The following NEDD4L variants were observed in gnomAD, a reference collection of about 807,000 sequenced individuals.
NEDD4L encodes E3 ubiquitin-protein ligase NEDD4-like.
NEDD4L carries 54 observed loss-of-function variants against 148.9 expected under a neutral mutation model. That is an observed-to-expected ratio of 0.36 (90% CI 0.29 to 0.45). The LOEUF (loss-of-function observed/expected upper bound fraction) is 0.45. Among genes scored for constraint, NEDD4L ranks in the 20% least tolerant of loss-of-function variants. The probability of loss-of-function intolerance (pLI) is 1.00; values close to 1 mark genes in which losing one functional copy is unlikely to be tolerated. For missense variants in NEDD4L, 856 were observed against 1,233.8 expected, an observed-to-expected ratio of 0.69 and a Z score of 4.59; for synonymous variants, 433 against 440.7, an observed-to-expected ratio of 0.98 and a Z score of 0.22.
intron 1 of NEDD4L, among the ~76,000 whole-genome samples, chr18:58,093,150 G>A (rs1802687816): frequency 6.6e-6 from 1 of 152,158 alleles, no homozygotes; most frequent in South Asian, 2.1e-4. Context: ...TGTCACTTAG[G>A]CAACAGGACA....
chr18:58,362,822 T>C (rs1248422724), intron 19 of NEDD4L, among the ~76,000 whole-genome samples: 1 of 152,236 alleles, frequency 6.6e-6, no homozygotes, highest in Non-Finnish European at 1.5e-5. Context: ...GTACTGTTGG[T>C]AGAGCAGAAA....
At chr18:58,064,916 C>T (rs903864040) in intron 1 of NEDD4L, among the ~76,000 whole-genome samples, 2 of 152,124 alleles carry the variant, frequency 1.3e-5, no homozygotes, top group Non-Finnish European at 1.5e-5. Context: ...GCCCGGGCAA[C>T]ATAGCTTGAT....
intron 5 of NEDD4L, among the ~76,000 whole-genome samples, chr18:58,315,280 T>C (rs1019941950): frequency 2.6e-5 from 4 of 152,098 alleles, no homozygotes; most frequent in Non-Finnish European, 5.9e-5. Context: ...AATCATGACT[T>C]CCCAGATGAC....
At chr18:58,327,762 T>G (rs977944716) in intron 9 of NEDD4L, among the ~76,000 whole-genome samples, 1 of 152,190 alleles carries the variant, frequency 6.6e-6, no homozygotes, top group African/African-American at 2.4e-5. Context: ...AATGACGATT[T>G]CAACTTTTGA....
At chr18:58,169,457 C>G (rs1168448606) in intron 2 of NEDD4L, among the ~76,000 whole-genome samples, 1 of 151,932 alleles carries the variant, frequency 6.6e-6, no homozygotes, top group Non-Finnish European at 1.5e-5. Context: ...TAAATTGAGA[C>G]TGCAGTCACC....
intron 6 of NEDD4L, among the ~76,000 whole-genome samples, chr18:58,317,460 T>C (rs1450987674): frequency 1.3e-5 from 2 of 152,230 alleles, no homozygotes; most frequent in African/African-American, 4.8e-5. Context: ...CAGCCACCCT[T>C]TCCCTAATGT....
intron 1 of NEDD4L, among the ~76,000 whole-genome samples, chr18:58,161,811 A>G (rs2036251061): frequency 6.6e-6 from 1 of 152,038 alleles, no homozygotes; most frequent in African/African-American, 2.4e-5. Context: ...CATGGATGAG[A>G]ATGAAGGCTG....
intron 1 of NEDD4L, among the ~76,000 whole-genome samples, chr18:58,103,114 G>A (rs1257003900): frequency 6.6e-6 from 1 of 151,740 alleles, no homozygotes; most frequent in Admixed American, 6.6e-5. Context: ...ATGGACAGGA[G>A]ACTGACCTTT....
At chr18:58,096,721 G>A (rs8083516) in intron 1 of NEDD4L, among the ~76,000 whole-genome samples, 5,307 of 152,156 alleles carry the variant, frequency 0.035, 315 homozygotes, top group African/African-American at 0.12. Flanking sequence ...ATTTTATGTT[G>A]TGAGTTTTGT....
chr18:58,159,360 C>T (rs1336631054), intron 1 of NEDD4L, among the ~76,000 whole-genome samples: 2 of 152,076 alleles, frequency 1.3e-5, no homozygotes, highest in African/African-American at 4.8e-5. Context: ...AAGGAGTGTA[C>T]AACACCAAGA....
Position 58,351,044 on chromosome 18 carries a change from T to C in NEDD4L, c.1707T>C (p.His569=), listed in dbSNP as rs756118955. Residue 569 remains histidine, a splice_region_variant and synonymous_variant, in exon 18 of 31, where the codon CAT becomes CAC. Coordinates refer to ENST00000400345, the MANE Select transcript of NEDD4L (RefSeq NM_001144967.3). ...HLDGRTFYID[H]NSKITQWEDP... Reference sequence around the variant, plus strand: ...ATGGCCGAACGTTTTATATTGATCATAGTAAGTAGGCGCTGTTATGGACAC... The same window carrying C: ...ATGGCCGAACGTTTTATATTGATCACAGTAAGTAGGCGCTGTTATGGACAC... 1.9e-6 allele frequency: 3 copies of C among 1,588,852 alleles called. No individual in the cohort carries two copies. Among genetic ancestry groups the C allele is most frequent in the East Asian group, 4.5e-5 (2 of 44,096 alleles).
intron 2 of NEDD4L, among the ~76,000 whole-genome samples, chr18:58,220,400 CA>C (rs36046684): frequency 3.9e-4 from 58 of 147,004 alleles, no homozygotes; most frequent in Admixed American, 6.1e-4. Context: ...GACCCTATCT[CA>C]AAAAAAAAAA....
intron 1 of NEDD4L, among the ~76,000 whole-genome samples, chr18:58,079,065 C>A (rs570838311): frequency 6.6e-6 from 1 of 152,114 alleles, no homozygotes; most frequent in East Asian, 1.9e-4. Flanking sequence ...CTGGGTGTGG[C>A]GATGTGCGAA....
At chr18:58,347,487 A>G (rs1015580332) in intron 16 of NEDD4L, among the ~76,000 whole-genome samples, 5 of 152,098 alleles carry the variant, frequency 3.3e-5, no homozygotes, top group East Asian at 1.9e-4. Flanking sequence ...CAGTGCTTTC[A>G]GTTTTTCCTC....
intron 26 of NEDD4L, among the ~76,000 whole-genome samples, chr18:58,386,214 A>G (rs6566963): frequency 0.56 from 84,311 of 151,316 alleles, 23,530 homozygotes; most frequent in South Asian, 0.63. Context: ...CACCACACCC[A>G]GCTAATTTTT....
In NEDD4L at chr18:58,320,010, T is replaced by A. The variant is rs144005874; in HGVS notation, c.349-2415T>A. Among the ~76,000 whole-genome samples the A allele has an allele frequency of 9.2e-5, 14 of 152,322 alleles. No homozygotes were observed. In the East Asian group the frequency reaches 2.7e-3, roughly 29 times the overall value. On this transcript the variant is annotated intron_variant, in intron 6 of 30. Transcript: ENST00000400345. The stretch of plus-strand genomic sequence containing the variant: ...GATAAGGAACTTGCCCTTAGCCACT[T>A]GGCTCTGTAAGTAACAAAGCCAGGA...
intron 2 of NEDD4L, chr18:58,195,526 G>A (rs774734310): frequency 1.5e-6 from 2 of 1,342,270 alleles, no homozygotes; most frequent in East Asian, 4.6e-5. Flanking sequence ...CTACCTGGGC[G>A]GGAGCGGCTG....
intron 2 of NEDD4L, among the ~76,000 whole-genome samples, chr18:58,209,141 C>T (rs1478629551): frequency 1.4e-5 from 2 of 145,866 alleles, no homozygotes; most frequent in African/African-American, 2.5e-5. Flanking sequence ...TCGGCCTGCA[C>T]TCAGGAAATG....
Position 58,231,974 on chromosome 18 carries a change from C to T in NEDD4L, c.123-13453C>T, listed in dbSNP as rs531160666. On this transcript the variant is annotated intron_variant, in intron 2 of 30. Transcript: ENST00000400345. Reference sequence around the variant, plus strand: ...TCTGCTGGTTAAATATAACAGAGGTCTGACTCCATGGCTATTATAGGAGAG... The same window carrying T: ...TCTGCTGGTTAAATATAACAGAGGTTTGACTCCATGGCTATTATAGGAGAG... 2.0e-5 allele frequency among the ~76,000 whole-genome samples: 3 copies of T among 152,324 alleles called. No homozygotes were observed. The East Asian group carries it at 5.8e-4, about 29-fold the overall frequency.
Sources: allele counts gnomAD v4.1 joint callset (sites outside exome capture counted in the v4.1 genomes callset), GRCh38; gene constraint gnomAD v4.1.1; transcripts MANE v1.5; gene names NCBI Gene and HGNC (gene_info 2026-07-23, HGNC 2026-07-21).